Variants in KMT2C observed in about 807,000 individuals in gnomAD.
KMT2C encodes the protein histone-lysine N-methyltransferase 2C.
A neutral mutation model predicts 507.9 loss-of-function variants in KMT2C; 88 were observed. The observed-to-expected ratio is 0.17, with a 90% confidence interval of 0.15 to 0.21. KMT2C has a LOEUF of 0.21. Among genes scored for constraint, KMT2C ranks in the 10% least tolerant of loss-of-function variants. KMT2C has a pLI of 1.00. For synonymous variants in KMT2C, 2,049 were observed against 2,080.8 expected (o/e 0.98, Z 0.42); for missense variants, 4,954 against 5,957.8 (o/e 0.83, Z 5.55).
intron 50 of KMT2C, 50 bp from the exon 51 acceptor site, chr7:152,151,057 T>C (rs1206129185): frequency 9.1e-7 from 1 of 1,104,896 alleles, no homozygotes; most frequent in Admixed American, 2.0e-5. Context: ...CAAAATTTAA[T>C]AAAAACAGGA....
At chr7:152,426,102 A>G (rs2097814902) in intron 1 of KMT2C, among the ~76,000 whole-genome samples, 1 of 152,170 alleles carries the variant, frequency 6.6e-6, no homozygotes. Context: ...AACATTTCAT[A>G]GAGATTTCTG....
In KMT2C at chr7:152,162,101, T is replaced by G; in HGVS notation, c.11460+16A>C. On this transcript the variant is annotated intron_variant, in intron 43 of 58. Coordinates refer to ENST00000262189, the MANE Select transcript of KMT2C (RefSeq NM_170606.3). ...AACAAAAGAAAAAAGTTGTCGTTTT[T>G]ATGATTTACACTTACCAGTCCTTCA... The G allele has an allele frequency of 6.7e-7, 1 of 1,500,604 alleles. No homozygotes were observed. 93.0% of individuals were successfully genotyped at this position (1,500,604 alleles called of 1,614,324 possible).
chr7:152,265,433 T>C (rs1466106529), intron 7 of KMT2C, among the ~76,000 whole-genome samples: 1 of 152,182 alleles, frequency 6.6e-6, no homozygotes, highest in Non-Finnish European at 1.5e-5. Flanking sequence ...TTTGCAATTA[T>C]TTGTGGCTAT....
chr7:152,274,613 T>C (rs1395103738), intron 6 of KMT2C, among the ~76,000 whole-genome samples: 2 of 152,234 alleles, frequency 1.3e-5, no homozygotes, highest in Non-Finnish European at 2.9e-5. Flanking sequence ...AGTTTTCCCT[T>C]AGAATGATTC....
intron 20 of KMT2C, 42 bp downstream of exon 20, chr7:152,223,973 C>A (rs777211489): frequency 1.5e-6 from 2 of 1,328,854 alleles, no homozygotes; most frequent in East Asian, 2.4e-5. Context: ...TGCTACATTT[C>A]AAAGAGAAAA....
chr7:152,203,373 G>A (rs756082481), intron 25 of KMT2C, among the ~76,000 whole-genome samples: 103 of 151,966 alleles, frequency 6.8e-4, no homozygotes, highest in Non-Finnish European at 1.3e-3. Flanking sequence ...CAAAGCTCAT[G>A]AGTATGACGA....
chr7:152,257,913 A>G (rs1490895167), intron 9 of KMT2C, among the ~76,000 whole-genome samples: 1 of 151,998 alleles, frequency 6.6e-6, no homozygotes, highest in Non-Finnish European at 1.5e-5. Context: ...TGTTTTAAGA[A>G]ATTTTATGAA....
At chr7:152,259,701 G>C (rs1175901746) in intron 9 of KMT2C, among the ~76,000 whole-genome samples, 1 of 152,110 alleles carries the variant, frequency 6.6e-6, no homozygotes, top group East Asian at 1.9e-4. Flanking sequence ...GACAATGACT[G>C]GTTTACAATA....
At chr7:152,282,712 T>C (rs1452757587) in intron 6 of KMT2C, among the ~76,000 whole-genome samples, 2 of 152,132 alleles carry the variant, frequency 1.3e-5, no homozygotes, top group Non-Finnish European at 2.9e-5. Flanking sequence ...GGAGGCTGAA[T>C]GGAATTTCTG....
intron 7 of KMT2C, among the ~76,000 whole-genome samples, 167 bp from the exon 8 acceptor site, chr7:152,265,376 T>C (rs1433249986): frequency 5.9e-5 from 9 of 152,170 alleles, no homozygotes; most frequent in Non-Finnish European, 1.0e-4. Flanking sequence ...AAAAACACTG[T>C]AGGGTATTTA....
chr7:152,293,500 T>C (rs2096457012), intron 6 of KMT2C, among the ~76,000 whole-genome samples: 1 of 152,218 alleles, frequency 6.6e-6, no homozygotes, highest in Non-Finnish European at 1.5e-5. Flanking sequence ...ATAAGTTTCC[T>C]ACAGGCAAAG....
At chr7:152,425,868 A>G (rs1009754458) in intron 1 of KMT2C, among the ~76,000 whole-genome samples, 10 of 152,096 alleles carry the variant, frequency 6.6e-5, no homozygotes, top group African/African-American at 2.4e-4. Flanking sequence ...ATTTAAAGTG[A>G]CCAAGGATAA....
At chr7:152,390,165 T>A (rs1189171643) in intron 1 of KMT2C, among the ~76,000 whole-genome samples, 1 of 152,114 alleles carries the variant, frequency 6.6e-6, no homozygotes, top group South Asian at 2.1e-4. Context: ...CATTACATAA[T>A]CTAGCCATGT....
chr7:152,434,489 T>C (rs923586424), intron 1 of KMT2C, among the ~76,000 whole-genome samples: 4 of 152,152 alleles, frequency 2.6e-5, no homozygotes, highest in African/African-American at 7.2e-5. Flanking sequence ...TATTACTAAG[T>C]GAATGCACCC....
At chr7:152,255,142 T>TATATATATATATAC (rs1273227523) in intron 9 of KMT2C, among the ~76,000 whole-genome samples, 64 of 126,318 alleles carry the variant, frequency 5.1e-4, no homozygotes, top group Non-Finnish European at 8.5e-4. Flanking sequence ...TATATATATA[T>TATATATATATATAC]ATACATATAT....
Position 152,177,428 on chromosome 7 carries a change from T to G in KMT2C, c.8025A>C (p.Leu2675Phe). The G allele has an allele frequency of 6.2e-7, 1 of 1,614,196 alleles. No individual in the cohort carries two copies. The highest frequency in any genetic ancestry group is 8.5e-7 in the Non-Finnish European group (1 of 1,180,028). The change falls in exon 38 of 59, where the codon TTA becomes TTC. Residue 2675 changes from leucine to phenylalanine, a missense_variant. By Grantham distance (22) the Leu-to-Phe change is conservative. Around this residue, in one of 29 missense-constraint regions of KMT2C, gnomAD observed 1,689 missense variants for 1,654.3 expected, o/e 1.02. Transcript: ENST00000262189. ...SVPSETTSDNLQITTQPSDGL... is the reference protein window; with the variant it reads ...SVPSETTSDNFQITTQPSDGL... The stretch of plus-strand genomic sequence containing the variant: ...CATCAGAAGGCTGGGTGGTTATCTG[T>G]AAATTATCAGACGTTGTTTCAGACG...
intron 31 of KMT2C, among the ~76,000 whole-genome samples, chr7:152,188,459 T>TA (rs1437745448): frequency 6.6e-6 from 1 of 151,946 alleles, no homozygotes; most frequent in Non-Finnish European, 1.5e-5. Flanking sequence ...AATTAACTCC[T>TA]AAAAAACACT....
At chr7:152,267,387 A>C (rs2095875126) in intron 7 of KMT2C, among the ~76,000 whole-genome samples, 1 of 152,230 alleles carries the variant, frequency 6.6e-6, no homozygotes, top group Non-Finnish European at 1.5e-5. Context: ...TTTTCTCAAG[A>C]ATAGATAAAG....
chr7:152,322,068 A>G (rs1036602701), intron 3 of KMT2C, among the ~76,000 whole-genome samples: 1 of 151,886 alleles, frequency 6.6e-6, no homozygotes, highest in Non-Finnish European at 1.5e-5. Context: ...CAAAAAAAAA[A>G]AAACCATACA....
Sources: gnomAD v4.1 joint callset for allele counts (sites outside exome capture counted in the v4.1 genomes callset) on GRCh38, gnomAD v4.1.1 for gene constraint, gnomAD v4.1.1 regional missense constraint, MANE v1.5 for transcripts, NCBI Gene and HGNC (gene_info 2026-07-23, HGNC 2026-07-21) for gene names.